The following GEMIN7 variants were observed in gnomAD, a reference collection of about 807,000 sequenced individuals.
GEMIN7 encodes gem nuclear organelle associated protein 7, also known as gem-associated protein 7.
A neutral mutation model predicts 7.8 loss-of-function variants in GEMIN7; 7 were observed. The ratio of observed to expected loss-of-function variants is 0.90; its 90% CI spans 0.51 to 1.69. GEMIN7 has a LOEUF of 1.69. Ranked by LOEUF, GEMIN7 falls within the 40% of genes most tolerant of loss-of-function variation. The probability of loss-of-function intolerance (pLI) is 0.00; values close to 1 mark genes in which losing one functional copy is unlikely to be tolerated. For missense variants in GEMIN7, 159 were observed against 176.2 expected (o/e 0.90, Z 0.55); for synonymous variants, 68 against 72.4 (o/e 0.94, Z 0.31).
At chr19:45,087,567 G>A (rs988118290) in intron 2 of GEMIN7, among the ~76,000 whole-genome samples, 1 of 152,286 alleles carries the variant, frequency 6.6e-6, no homozygotes, top group East Asian at 1.9e-4. Flanking sequence ...CAGATACAGG[G>A]AACCGAAAGT....
intron 2 of GEMIN7, among the ~76,000 whole-genome samples, 194 bp downstream of exon 2, chr19:45,080,223 C>T (rs1967452831): frequency 6.6e-6 from 1 of 152,178 alleles, no homozygotes; most frequent in African/African-American, 2.4e-5. Flanking sequence ...CCTGCCTCTA[C>T]CCTCCTGGGC....
Position 45,083,599 on chromosome 19 carries a change from CTT to C in GEMIN7, c.-9+3586_-9+3587del, listed in dbSNP as rs1184251456. ...CACATTTTCTTTTCCAATTCTTCTT[CTT>C]TTTTTTTTTTTTTTTGTTTGAGACA... On this transcript the variant is annotated intron_variant, in intron 2 of 2. Transcript: ENST00000270257. 5.6e-3 allele frequency among the ~76,000 whole-genome samples: 272 copies of C among 48,310 alleles called. 1 individual carries two copies. Among genetic ancestry groups the C allele is most frequent in the African/African-American group, 0.015 (260 of 16,920 alleles). The allele number at this position is 48,310 out of a possible 152,430, so 31.7% of individuals were successfully genotyped here.
At chr19:45,089,961 TG>T in intron 2 of GEMIN7, 145 bp from the exon 3 acceptor site, 8 of 791,504 alleles carry the variant, frequency 1.0e-5, no homozygotes, top group Non-Finnish European at 1.6e-5. Context: ...TGGGGGACGA[TG>T]GCACAGATTT....
chr19:45,082,364 C>T (rs1349619691), intron 2 of GEMIN7, among the ~76,000 whole-genome samples: 1 of 152,198 alleles, frequency 6.6e-6, no homozygotes, highest in East Asian at 1.9e-4. Flanking sequence ...AGGGATCTTT[C>T]CTGGGCTCCC....
chr19:45,081,537 AAC>A (rs1967504392), intron 2 of GEMIN7, among the ~76,000 whole-genome samples: 1 of 151,642 alleles, frequency 6.6e-6, no homozygotes, highest in African/African-American at 2.4e-5. Flanking sequence ...AAAAAAAAAA[AAC>A]CTTGGAGTCT....
At chr19:45,077,985 A>C (rs537460646), upstream of GEMIN7, among the ~76,000 whole-genome samples, 2 of 151,748 alleles carry the variant, frequency 1.3e-5, no homozygotes, top group South Asian at 4.2e-4. Context: ...CTGCTTCAGC[A>C]TCCCAAAGTG....
chr19:45,081,952 C>G (rs1967519530), intron 2 of GEMIN7, among the ~76,000 whole-genome samples: 1 of 152,080 alleles, frequency 6.6e-6, no homozygotes, highest in South Asian at 2.1e-4. Flanking sequence ...CTAATCTGAC[C>G]ACTTCTCCCC....
chr19:45,075,637 C>A, upstream of GEMIN7: 3 of 1,555,054 alleles, frequency 1.9e-6, no homozygotes, highest in South Asian at 1.2e-5. Flanking sequence ...AGTGCCCTGC[C>A]GTCCAGCCCA....
intron 2 of GEMIN7, among the ~76,000 whole-genome samples, chr19:45,080,291 A>G (rs1351267540): frequency 6.6e-6 from 1 of 152,028 alleles, no homozygotes; most frequent in South Asian, 2.1e-4. Context: ...TTGGCTCCAC[A>G]GTCTGCCTTT....
At chr19:45,086,979 T>C (rs6509190) in intron 2 of GEMIN7, among the ~76,000 whole-genome samples, 84,712 of 151,432 alleles carry the variant, frequency 0.56, 24,454 homozygotes, top group African/African-American at 0.68. Context: ...CATGAGTAGC[T>C]GGGATTACAG....
At chr19:45,076,016 A>G, upstream of GEMIN7, 1 of 1,569,954 alleles carries the variant, frequency 6.4e-7, no homozygotes, top group Non-Finnish European at 8.6e-7. The surrounding 1 kb of genome is among the most constrained non-coding windows in gnomAD (Gnocchi z 4.9). Context: ...GCCCAAAGGG[A>G]AGGGTCCCAC....
upstream of GEMIN7, chr19:45,076,035 C>A (rs1967340885): frequency 3.8e-6 from 6 of 1,571,462 alleles, no homozygotes; most frequent in Non-Finnish European, 5.2e-6. This position sits in a 1 kb window ranked among gnomAD's most constrained non-coding sequence, Gnocchi z 4.9. Flanking sequence ...ACCCGAGGGT[C>A]AAAGGTAAGG....
At chr19:45,083,598 T>TC (rs201127511) in intron 2 of GEMIN7, among the ~76,000 whole-genome samples, 1 of 126,000 alleles carries the variant, frequency 7.9e-6, no homozygotes, top group Admixed American at 8.3e-5. Flanking sequence ...CAATTCTTCT[T>TC]CTTTTTTTTT....
At chr19:45,077,914 G>C (rs945079443), upstream of GEMIN7, among the ~76,000 whole-genome samples, 8 of 149,940 alleles carry the variant, frequency 5.3e-5, no homozygotes, top group East Asian at 1.9e-4. Context: ...TTTTTAAATA[G>C]AGACAGGGAC....
upstream of GEMIN7, chr19:45,076,133 CGAG>C (rs757819476): frequency 1.3e-6 from 2 of 1,554,032 alleles, no homozygotes; most frequent in South Asian, 1.2e-5. This position sits in a 1 kb window ranked among gnomAD's most constrained non-coding sequence, Gnocchi z 4.9. Flanking sequence ...GGGCCGAGGG[CGAG>C]GAGGGCGGCC....
upstream of GEMIN7, chr19:45,076,009 C>G: frequency 1.3e-6 from 2 of 1,566,996 alleles, no homozygotes; most frequent in South Asian, 1.1e-5. The surrounding 1 kb of genome is among the most constrained non-coding windows in gnomAD (Gnocchi z 4.9). Context: ...GGCCCATGCC[C>G]AAAGGGAAGG....
chr19:45,085,039 C>T (rs1967634180), intron 2 of GEMIN7, among the ~76,000 whole-genome samples: 1 of 152,168 alleles, frequency 6.6e-6, no homozygotes, highest in South Asian at 2.1e-4. Flanking sequence ...TCTCAAAGTG[C>T]TGGAATTACA....
chr19:45,089,386 A>G (rs1293825158), intron 2 of GEMIN7, among the ~76,000 whole-genome samples: 4 of 152,202 alleles, frequency 2.6e-5, no homozygotes, highest in African/African-American at 9.6e-5. Flanking sequence ...CCAGTGGGTT[A>G]TAATCTGTAA....
intron 2 of GEMIN7, among the ~76,000 whole-genome samples, chr19:45,085,906 C>T (rs1463467768): frequency 2.3e-5 from 3 of 130,972 alleles, no homozygotes; most frequent in Admixed American, 8.8e-5. Flanking sequence ...CTCGCTCTGT[C>T]GCCCAGGCTG....
Sources: gnomAD v4.1 joint callset for allele counts (sites outside exome capture counted in the v4.1 genomes callset) on GRCh38, gnomAD v4.1.1 for gene constraint, Gnocchi (gnomAD v3.1) non-coding constraint, MANE v1.5 for transcripts, NCBI Gene and HGNC (gene_info 2026-07-23, HGNC 2026-07-21) for gene names.